WASF3: variants seen among roughly 807,000 people sequenced by gnomAD.
WASF3 encodes the protein WASP family member 3, also known as actin-binding protein WASF3.
WASF3 carries 11 observed loss-of-function variants against 46.6 expected under a neutral mutation model. That is an observed-to-expected ratio of 0.24 (90% CI 0.15 to 0.39). WASF3 has a LOEUF of 0.39. WASF3 is among the 10% of genes least tolerant of loss of function. The probability of loss-of-function intolerance (pLI) is 1.00; values close to 1 mark genes in which losing one functional copy is unlikely to be tolerated. For missense variants in WASF3, 576 were observed against 669.8 expected (o/e 0.86, Z 1.55); for synonymous variants, 242 against 259.7 (o/e 0.93, Z 0.65).
chr13:26,659,008 T>C (rs1394405966), intron 3 of WASF3, among the ~76,000 whole-genome samples: 1 of 152,236 alleles, frequency 6.6e-6, no homozygotes, highest in African/African-American at 2.4e-5. Context: ...GTGGATCATA[T>C]GTTCTAGTGG....
intron 2 of WASF3, among the ~76,000 whole-genome samples, chr13:26,634,580 A>G (rs1156961681): frequency 2.0e-5 from 3 of 152,164 alleles, no homozygotes; most frequent in African/African-American, 7.2e-5. Context: ...TATTCATAGC[A>G]TCGATGGTCT....
the WASF3 span, among the ~76,000 whole-genome samples, chr13:26,541,318 C>G: frequency 6.6e-6 from 1 of 152,194 alleles, no homozygotes; most frequent in Non-Finnish European, 1.5e-5. Context: ...GCACTGAAAA[C>G]AGCTTGCCTG....
intron 3 of WASF3, among the ~76,000 whole-genome samples, chr13:26,646,416 A>C (rs1217228490): frequency 1.3e-5 from 2 of 152,170 alleles, no homozygotes; most frequent in African/African-American, 4.8e-5. Context: ...ACAAAGTCAA[A>C]ACATAATCTG....
In WASF3 at chr13:26,682,706, C is replaced by T. The variant is rs1244045887; in HGVS notation, c.1083C>T (p.Ser361=). ...VIPSAQTAFV[S]PLQMPMQPPF... The stretch of plus-strand genomic sequence containing the variant: ...CCTCAGCACAAACTGCCTTCGTCAG[C>T]CCTCTCCAGATGCCCATGCAGCCCC... The change falls in exon 9 of 10, where the codon AGC becomes AGT. Residue 361 remains serine, a synonymous_variant. Coordinates refer to ENST00000335327, the MANE Select transcript of WASF3 (RefSeq NM_006646.6). The surrounding 1 kb of genome is among the most constrained non-coding windows in gnomAD (Gnocchi z 4.4). The T allele has an allele frequency of 1.2e-6, 2 of 1,614,090 alleles. No individual in the cohort carries two copies. The highest frequency in any genetic ancestry group is 1.1e-5 in the South Asian group (1 of 91,080).
intron 2 of WASF3, among the ~76,000 whole-genome samples, chr13:26,618,393 C>T (rs1237944010): frequency 6.6e-6 from 1 of 152,070 alleles, no homozygotes; most frequent in East Asian, 1.9e-4. Flanking sequence ...CTCTGTTCCT[C>T]CTCCCTTAGA....
At chr13:26,590,666 G>A (rs575292355) in intron 1 of WASF3, among the ~76,000 whole-genome samples, 1 of 152,262 alleles carries the variant, frequency 6.6e-6, no homozygotes, top group South Asian at 2.1e-4. Flanking sequence ...ATTTCTCTGC[G>A]TTCTTCTATG....
intron 1 of WASF3, among the ~76,000 whole-genome samples, chr13:26,570,875 G>A (rs2150472): frequency 0.35 from 53,910 of 152,042 alleles, 9,877 homozygotes; most frequent in East Asian, 0.58. Context: ...AGACGCTGCT[G>A]AATTCCCCTT....
At chr13:26,626,419 A>G (rs1306417408) in intron 2 of WASF3, 2 of 152,222 alleles carry the variant, frequency 1.3e-5, no homozygotes, top group Non-Finnish European at 2.9e-5. Flanking sequence ...GGTCTTTGCT[A>G]GAAACTGAAT....
intron 4 of WASF3, among the ~76,000 whole-genome samples, chr13:26,666,993 T>C (rs1241007018): frequency 2.0e-5 from 3 of 151,978 alleles, no homozygotes; most frequent in Non-Finnish European, 1.5e-5. Flanking sequence ...GTATCATCGA[T>C]CAAGCTACTT....
rs190996944 is a variant in WASF3 at position 26,682,585 on chromosome 13, A to G, written c.984-22A>G. The stretch of plus-strand genomic sequence containing the variant: ...ACCCTCTCTTGTTCCCTTGGTGACT[A>G]TGTGCCTCATATCTCTCTCAGGATG... On this transcript the variant is annotated intron_variant, in intron 8 of 9. Coordinates refer to ENST00000335327, the MANE Select transcript of WASF3 (RefSeq NM_006646.6). This position sits in a 1 kb window ranked among gnomAD's most constrained non-coding sequence, Gnocchi z 4.4. 85 of 1,613,918 alleles carry G rather than the reference A, an allele frequency of 5.3e-5. No homozygotes were observed. The highest frequency in any genetic ancestry group is 1.1e-4 in the East Asian group (5 of 44,876).
At chr13:26,657,490 A>C (rs556671847) in intron 3 of WASF3, among the ~76,000 whole-genome samples, 2 of 152,224 alleles carry the variant, frequency 1.3e-5, no homozygotes, top group South Asian at 4.1e-4. Flanking sequence ...TTAAAATAGT[A>C]TAACAACTCT....
At chr13:26,650,178 T>G (rs1882273139) in intron 3 of WASF3, among the ~76,000 whole-genome samples, 1 of 152,158 alleles carries the variant, frequency 6.6e-6, no homozygotes, top group South Asian at 2.1e-4. Context: ...ACAGACCTGG[T>G]TGGAGGGAAA....
intron 1 of WASF3, among the ~76,000 whole-genome samples, chr13:26,566,926 T>A (rs529039004): frequency 1.3e-5 from 2 of 152,342 alleles, no homozygotes; most frequent in South Asian, 4.1e-4. Context: ...CTCTATGCTG[T>A]CATTTTCACC....
intron 3 of WASF3, among the ~76,000 whole-genome samples, chr13:26,655,920 C>T (rs1267520755): frequency 6.6e-6 from 1 of 152,140 alleles, no homozygotes; most frequent in Non-Finnish European, 1.5e-5. Context: ...CACAGCAATA[C>T]ATTCTAGGTT....
chr13:26,672,363 T>C (rs914418294), intron 6 of WASF3, among the ~76,000 whole-genome samples: 3 of 152,250 alleles, frequency 2.0e-5, no homozygotes, highest in Non-Finnish European at 4.4e-5. Flanking sequence ...AATTGTTTGG[T>C]TGCCTTCTAG....
intron 1 of WASF3, among the ~76,000 whole-genome samples, chr13:26,565,444 A>G (rs919248076): frequency 4.6e-5 from 7 of 152,200 alleles, no homozygotes; most frequent in African/African-American, 1.7e-4. Flanking sequence ...CAGAAATACT[A>G]TAATTTTCCA....
chr13:26,542,636 G>A, the WASF3 span, among the ~76,000 whole-genome samples: 1 of 152,186 alleles, frequency 6.6e-6, no homozygotes, highest in African/African-American at 2.4e-5. Flanking sequence ...AGTGAGAAGT[G>A]GTTAAAGTAT....
chr13:26,683,498 T>C (rs1046116803), intron 9 of WASF3, among the ~76,000 whole-genome samples: 2 of 145,900 alleles, frequency 1.4e-5, no homozygotes, highest in Non-Finnish European at 3.0e-5. Flanking sequence ...GAATTGAAAT[T>C]AGGAAGTTTT....
intron 1 of WASF3, among the ~76,000 whole-genome samples, chr13:26,574,539 G>T (rs1288119152): frequency 2.0e-5 from 3 of 151,530 alleles, no homozygotes; most frequent in Non-Finnish European, 4.4e-5. Context: ...TTGAATCACT[G>T]CATTTTAAGT....
Sources: allele counts gnomAD v4.1 joint callset (sites outside exome capture counted in the v4.1 genomes callset), GRCh38; gene constraint gnomAD v4.1.1; non-coding constraint Gnocchi (gnomAD v3.1); transcripts MANE v1.5; gene names NCBI Gene and HGNC (gene_info 2026-07-23, HGNC 2026-07-21).